Variants in DNAH8 observed in about 807,000 individuals in gnomAD.
DNAH8 encodes the protein axonemal beta dynein heavy chain 8.
In DNAH8, 382 loss-of-function variants were observed where a neutral mutation model predicts 562.1. The observed-to-expected ratio is 0.68, with a 90% CI of 0.63 to 0.74. DNAH8 has a LOEUF of 0.74. DNAH8 is among the 30% of genes least tolerant of loss of function. The probability of loss-of-function intolerance (pLI) is 0.00; values close to 1 mark genes in which losing one functional copy is unlikely to be tolerated. For missense variants in DNAH8, 5,203 were observed against 5,620.4 expected (o/e 0.93, Z 2.37); for synonymous variants, 1,881 against 1,919.4 (o/e 0.98, Z 0.52).
intron 3 of DNAH8, among the ~76,000 whole-genome samples, chr6:38,724,171 T>C (rs1266428419): frequency 2.0e-5 from 3 of 151,786 alleles, no homozygotes; most frequent in Admixed American, 2.0e-4. Flanking sequence ...TTAGTAGAGA[T>C]GGGGTTTCAC....
Position 38,842,700 on chromosome 6 carries a change from GC to G in DNAH8, c.4643del (p.Ala1548ValfsTer21). ...KLPKGLKDWQAFLDLKKRIDD... is the reference protein window; with the variant it reads ...KLPKGLKDWQXFLDLKKRIDD... ...TCCAAAAGGACTTAAAGATTGGCAA[GC>G]TTTTTTGGATCTCAAAAAGAGAATT... is the stretch of plus-strand genomic sequence containing the variant. On this transcript the variant is annotated frameshift_variant, in exon 35 of 93. Coordinates refer to ENST00000327475, the MANE Select transcript of DNAH8 (RefSeq NM_001206927.2). LOFTEE classifies it high-confidence loss of function. 1 of 1,613,556 alleles carries G rather than the reference GC, an allele frequency of 6.2e-7. No homozygotes were observed. Among genetic ancestry groups the G allele is most frequent in the African/African-American group, 1.3e-5 (1 of 75,016 alleles).
intron 82 of DNAH8, among the ~76,000 whole-genome samples, chr6:38,957,347 G>A (rs987254073): frequency 6.7e-6 from 1 of 149,660 alleles, no homozygotes; most frequent in African/African-American, 2.4e-5. Context: ...AATATTAATA[G>A]ACCTAAAAGG....
intron 89 of DNAH8, 68 bp downstream of exon 89, chr6:39,009,038 C>A: frequency 8.4e-7 from 1 of 1,183,614 alleles, no homozygotes; most frequent in Non-Finnish European, 1.2e-6. Flanking sequence ...GTTTGATTAC[C>A]TTGAAAAGCA....
chr6:38,949,436 G>A lies in DNAH8; in HGVS notation c.12130-16G>A. ...CATATAGTTCTGTGGCTTGCTAATT[G>A]GCTTGCTTCTTTTAGATATCTCGTA... On this transcript the variant is annotated splice_polypyrimidine_tract_variant and intron_variant, in intron 80 of 92. Coordinates refer to ENST00000327475, the MANE Select transcript of DNAH8 (RefSeq NM_001206927.2). 1 of 1,490,640 alleles carries A rather than the reference G, an allele frequency of 6.7e-7. No individual in the cohort carries two copies. Among genetic ancestry groups the A allele is most frequent in the Non-Finnish European group, 9.4e-7 (1 of 1,067,864 alleles). 92.3% of individuals were successfully genotyped at this position (1,490,640 alleles called of 1,614,324 possible). A position where few individuals can be genotyped will look rare whatever the true frequency, so the allele number is the denominator to read the frequency against.
intron 56 of DNAH8, among the ~76,000 whole-genome samples, chr6:38,885,075 C>A (rs1778822159): frequency 6.6e-6 from 1 of 152,210 alleles, no homozygotes; most frequent in Non-Finnish European, 1.5e-5. Context: ...TGGCCTGCGT[C>A]TGCTCCAAGG....
intron 17 of DNAH8, 137 bp from the exon 18 acceptor site, chr6:38,786,628 T>G: frequency 1.3e-6 from 1 of 787,088 alleles, no homozygotes; most frequent in Non-Finnish European, 2.0e-6. Context: ...ACGCTGTGCC[T>G]TAGCACCTGG....
chr6:39,010,996 T>C (rs1049145684), intron 89 of DNAH8, among the ~76,000 whole-genome samples: 4 of 152,098 alleles, frequency 2.6e-5, no homozygotes, highest in African/African-American at 9.7e-5. Flanking sequence ...GGTTGCTACG[T>C]CGGACTGCGT....
At position 38,874,074 on chromosome 6, in the gene DNAH8, TTC is replaced by T. The variant is rs1174916372; in HGVS notation, c.7620+700_7620+701del. Among the ~76,000 whole-genome samples the T allele has an allele frequency of 7.8e-4, 78 of 100,536 alleles. 5 individuals carry two copies. Among genetic ancestry groups the T allele is most frequent in the Non-Finnish European group, 1.0e-3 (50 of 48,080 alleles). The allele number at this position is 100,536 out of a possible 152,430, so 66.0% of individuals were successfully genotyped here. A position where few individuals can be genotyped will look rare whatever the true frequency, so the allele number is the denominator to read the frequency against. ...TCTTTCTTTCTTTCTTTCTTTTTCT[TTC>T]TTTCTTTCTTTCTTTCTTTCTCTTT... On this transcript the variant is annotated intron_variant, in intron 52 of 92. Transcript: ENST00000327475.
rs753027031 is a variant in DNAH8 at position 38,911,568 on chromosome 6, G to A, written c.9841G>A (p.Ala3281Thr). ...AEKVKFINEQ[A>T]ERMNIGLDKL... ...AAAGGTGAAGTTCATTAATGAACAG[G>A]CTGAACGTATGAATATTGGTAAGAG... The change falls in exon 66 of 93, where the codon GCT becomes ACT. Residue 3281 changes from alanine (A) to threonine (T), a missense_variant. Around this residue, in one of 6 missense-constraint regions of DNAH8, gnomAD observed 977 missense variants for 1,061.8 expected, o/e 0.92. Coordinates refer to ENST00000327475, the MANE Select transcript of DNAH8 (RefSeq NM_001206927.2). The A allele has an allele frequency of 4.4e-6, 7 of 1,601,904 alleles. No individual in the cohort carries two copies. In the Admixed American group the frequency reaches 1.2e-4, roughly 27 times the overall value.
At chr6:38,726,851 GTTTTTTTTT>G (rs58557655) in intron 3 of DNAH8, among the ~76,000 whole-genome samples, 1 of 63,264 alleles carries the variant, frequency 1.6e-5, no homozygotes. Context: ...GTATTCTTTA[GTTTTTTTTT>G]TTTTTTTTTT....
In DNAH8 at chr6:38,845,636, G is replaced by T. The variant is rs61757219; in HGVS notation, c.4908G>T (p.Glu1636Asp). The change falls in exon 36 of 93, where the codon GAG becomes GAT. Residue 1636 changes from glutamate (E) to aspartate (D), a missense_variant. Transcript: ENST00000327475. Reference protein sequence around the residue: ...DIEAKLTQVIENWTNQNLSFA... With the variant: ...DIEAKLTQVIDNWTNQNLSFA... ...AAGCCAAGCTGACTCAGGTGATTGA[G>T]AATTGGACCAACCAAAATCTGAGTT... 10,696 of 1,613,928 alleles carry T rather than the reference G, an allele frequency of 6.6e-3. 75 individuals carry two copies. Among genetic ancestry groups the T allele is most frequent in the South Asian group, 0.022 (2,039 of 91,068 alleles).
chr6:38,929,691 A>G, intron 75 of DNAH8, 25 bp downstream of exon 75: 1 of 1,445,620 alleles, frequency 6.9e-7, no homozygotes, highest in Non-Finnish European at 9.0e-7. Context: ...AAAAAAAAAA[A>G]AGAAAGAAAG....
At chr6:38,842,125 C>A (rs531448166) in intron 33 of DNAH8, among the ~76,000 whole-genome samples, 1 of 152,162 alleles carries the variant, frequency 6.6e-6, no homozygotes, top group African/African-American at 2.4e-5. Context: ...ACAGAATAAA[C>A]CATTTGCTAA....
At chr6:38,903,614 T>G (rs1156443811) in intron 62 of DNAH8, among the ~76,000 whole-genome samples, 2 of 85,952 alleles carry the variant, frequency 2.3e-5, no homozygotes, top group East Asian at 3.8e-4. Context: ...CTTTCTTCCT[T>G]TTTTTTTTTT....
chr6:38,735,887 C>A (rs370275681), intron 5 of DNAH8, among the ~76,000 whole-genome samples: 1 of 152,110 alleles, frequency 6.6e-6, no homozygotes, highest in African/African-American at 2.4e-5. Context: ...CCTGTACTCC[C>A]GGCACTTTGG....
chr6:38,833,613 A>G (rs937375705), intron 31 of DNAH8, among the ~76,000 whole-genome samples: 2 of 152,188 alleles, frequency 1.3e-5, no homozygotes, highest in African/African-American at 4.8e-5. Context: ...GCCCATAATT[A>G]TATAACTGGG....
chr6:38,840,305 A>G (rs904283418), intron 33 of DNAH8, among the ~76,000 whole-genome samples: 1 of 152,212 alleles, frequency 6.6e-6, no homozygotes, highest in Non-Finnish European at 1.5e-5. Context: ...TGAAGACTTT[A>G]CTTTTAGATT....
intron 60 of DNAH8, 26 bp from the exon 61 acceptor site, chr6:38,898,232 T>C: frequency 6.4e-7 from 1 of 1,563,818 alleles, no homozygotes; most frequent in Non-Finnish European, 8.6e-7. Flanking sequence ...TAAATATTAT[T>C]TTTTTATCTT....
chr6:38,896,076 A>G lies in DNAH8; in HGVS notation c.8791A>G (p.Thr2931Ala). 17 of 1,614,036 alleles carry G rather than the reference A, an allele frequency of 1.1e-5. No individual in the cohort carries two copies. Among genetic ancestry groups the G allele is most frequent in the Non-Finnish European group, 1.4e-5 (17 of 1,179,958 alleles). Residue 2931 changes from threonine to alanine, a missense_variant, in exon 60 of 93, where the codon ACT becomes GCT. This residue lies in a region of DNAH8 where 977 missense variants were observed against 1,061.8 expected (regional missense o/e 0.92). Transcript: ENST00000327475. ...TGAGCAGTGGTTTAATGCACATCTT[A>G]CTCGTGCAGTTGAAGAAAATATTGG... ...EDEQWFNAHL[T>A]RAVEENIGSD...
Sources: allele counts gnomAD v4.1 joint callset (sites outside exome capture counted in the v4.1 genomes callset), GRCh38; gene constraint gnomAD v4.1.1; regional missense constraint gnomAD v4.1.1; transcripts MANE v1.5; gene names NCBI Gene and HGNC (gene_info 2026-07-23, HGNC 2026-07-21).